The following IRAG1 variants were observed in gnomAD, a reference collection of about 807,000 sequenced individuals.
IRAG1 encodes inositol 1,4,5-triphosphate receptor associated 1.
A neutral mutation model predicts 106.2 loss-of-function variants in IRAG1; 62 were observed. The observed-to-expected ratio is 0.58, with a 90% CI of 0.48 to 0.72. The LOEUF (loss-of-function observed/expected upper bound fraction) is 0.72, where lower values mean the gene tolerates loss of function less well. Ranked by LOEUF, IRAG1 falls within the 30% of genes least tolerant of loss-of-function variation. IRAG1 has a pLI of 0.00. For synonymous variants in IRAG1, 462 were observed against 443.9 expected (o/e 1.04, Z -0.51); for missense variants, 1,064 against 1,140.7 (o/e 0.93, Z 0.97).
chr11:10,604,654 G>T, intron 12 of IRAG1, 109 bp from the exon 13 acceptor site: 1 of 1,314,556 alleles, frequency 7.6e-7, no homozygotes, highest in Non-Finnish European at 1.1e-6. Flanking sequence ...TGGAACAGCC[G>T]CCAAAGCACC....
At chr11:10,577,103 C>T (rs1424270073) in intron 20 of IRAG1, among the ~76,000 whole-genome samples, 1 of 152,160 alleles carries the variant, frequency 6.6e-6, no homozygotes, top group East Asian at 1.9e-4. Context: ...AAACTCTAAG[C>T]AGCTTGATAT....
chr11:10,599,375 T>A (rs1853701947), intron 15 of IRAG1, among the ~76,000 whole-genome samples: 1 of 152,180 alleles, frequency 6.6e-6, no homozygotes, highest in Non-Finnish European at 1.5e-5. Flanking sequence ...GGTAAGGTGG[T>A]TTGCAGGAGG....
intron 2 of IRAG1, among the ~76,000 whole-genome samples, chr11:10,643,618 C>A (rs1857712243): frequency 1.3e-5 from 2 of 152,192 alleles, no homozygotes; most frequent in Admixed American, 6.5e-5. Flanking sequence ...CCCTTCCTAA[C>A]ACTACTCCAC....
chr11:10,594,063 C>T (rs1852984926), intron 16 of IRAG1, 83 bp downstream of exon 16: 1 of 1,315,804 alleles, frequency 7.6e-7, no homozygotes, highest in South Asian at 1.3e-5. Flanking sequence ...CCATGGATCC[C>T]AGAATGAATG....
chr11:10,652,218 C>T (rs1179095315), intron 1 of IRAG1, 36 bp from the exon 2 acceptor site: 1 of 1,608,960 alleles, frequency 6.2e-7, no homozygotes, highest in East Asian at 2.2e-5. Flanking sequence ...CAAATCCATT[C>T]CCATCCCTGT....
chr11:10,584,107 C>G lies in IRAG1; in HGVS notation c.2241-2121G>C, dbSNP rs1219297561. On this transcript the variant is annotated intron_variant, in intron 18 of 20. Coordinates refer to ENST00000423302, the MANE Select transcript of IRAG1 (RefSeq NM_130385.4). ...ATGCTTTCCCTAGAAATCCTGCAGC[C>G]CACCTTCATGTCCTGATTCCCAATG... is the stretch of plus-strand genomic sequence containing the variant. Among the ~76,000 whole-genome samples, 3 of 152,062 alleles carry G rather than the reference C, an allele frequency of 2.0e-5. No individual in the cohort carries two copies. The East Asian group carries it at 5.8e-4, about 29-fold the overall frequency.
Position 10,573,708 on chromosome 11 carries a change from C to T in IRAG1, c.*2624G>A, listed in dbSNP as rs1850693820. The T allele has an allele frequency of 6.6e-6, 1 of 152,220 alleles. No individual in the cohort carries two copies. 9.4% of individuals were successfully genotyped at this position (152,220 alleles called of 1,614,324 possible). ...TGCAGGAGCTCTCCATAACTGCCTTCCTGGCCTTTGACTCATCCAGAAACA... is the reference window on the plus strand; with the variant it reads ...TGCAGGAGCTCTCCATAACTGCCTTTCTGGCCTTTGACTCATCCAGAAACA... On this transcript the variant is annotated 3_prime_UTR_variant, in exon 21 of 21. Coordinates refer to ENST00000423302, the MANE Select transcript of IRAG1 (RefSeq NM_130385.4).
intron 18 of IRAG1, among the ~76,000 whole-genome samples, chr11:10,584,441 C>T (rs1851711940): frequency 6.6e-6 from 1 of 151,708 alleles, no homozygotes; most frequent in African/African-American, 2.4e-5. Context: ...CCACTCCCTT[C>T]CATGTGACCT....
At chr11:10,629,990 C>T in intron 4 of IRAG1, 1 of 389,080 alleles carries the variant, frequency 2.6e-6, no homozygotes, top group South Asian at 4.7e-5. Flanking sequence ...AAGGGAAGGC[C>T]ACCCAGGAGC....
At chr11:10,677,427 C>T (rs1564940733) in intron 1 of IRAG1, among the ~76,000 whole-genome samples, 2 of 152,014 alleles carry the variant, frequency 1.3e-5, no homozygotes, top group Non-Finnish European at 2.9e-5. Flanking sequence ...TTCAGGATCC[C>T]CTGGGATCCT....
At chr11:10,591,835 A>T (rs1852709935) in intron 17 of IRAG1, among the ~76,000 whole-genome samples, 2 of 151,632 alleles carry the variant, frequency 1.3e-5, no homozygotes, top group Admixed American at 1.3e-4. Context: ...CTTTTCCTTC[A>T]CCTCTGCTAA....
At chr11:10,680,638 G>A (rs1343264863) in intron 1 of IRAG1, among the ~76,000 whole-genome samples, 1 of 152,100 alleles carries the variant, frequency 6.6e-6, no homozygotes, top group Non-Finnish European at 1.5e-5. Flanking sequence ...AGAGAGGACA[G>A]TAATTATGTC....
intron 8 of IRAG1, among the ~76,000 whole-genome samples, chr11:10,627,191 C>G (rs1214737197): frequency 1.3e-5 from 2 of 152,126 alleles, no homozygotes; most frequent in Non-Finnish European, 2.9e-5. Flanking sequence ...GTGGCTGCCT[C>G]GTGTGTGCTG....
At chr11:10,594,017 G>A in intron 16 of IRAG1, 129 bp downstream of exon 16, 3 of 885,064 alleles carry the variant, frequency 3.4e-6, no homozygotes, top group Non-Finnish European at 5.2e-6. Flanking sequence ...AGTGTGGAAA[G>A]CCGAATAGAA....
At chr11:10,655,571 C>T (rs115631144) in intron 1 of IRAG1, among the ~76,000 whole-genome samples, 64 of 152,248 alleles carry the variant, frequency 4.2e-4, no homozygotes, top group African/African-American at 1.5e-3. Context: ...TTCCTTGGAG[C>T]GTTCTCGTAA....
chr11:10,594,246 C>G, intron 15 of IRAG1, 51 bp from the exon 16 acceptor site: 1 of 1,545,240 alleles, frequency 6.5e-7, no homozygotes, highest in Non-Finnish European at 8.8e-7. Context: ...TCAGGCTAGG[C>G]ACCAGCAGGA....
chr11:10,611,799 AG>A (rs1247565642), intron 10 of IRAG1: 1 of 152,192 alleles, frequency 6.6e-6, no homozygotes, highest in Non-Finnish European at 1.5e-5. Context: ...CAGAATAGAG[AG>A]GGAAAGGGAT....
At position 10,657,569 on chromosome 11, in the gene IRAG1, C is replaced by G. The variant is rs374018270; in HGVS notation, c.68-5387G>C. 1.3e-5 allele frequency among the ~76,000 whole-genome samples: 2 copies of G among 152,334 alleles called. No individual in the cohort carries two copies. Among genetic ancestry groups the G allele is most frequent in the East Asian group, 1.9e-4 (1 of 5,182 alleles). On this transcript the variant is annotated intron_variant, in intron 1 of 20. Coordinates refer to ENST00000423302, the MANE Select transcript of IRAG1 (RefSeq NM_130385.4). The surrounding 1 kb of genome is among the most constrained non-coding windows in gnomAD (Gnocchi z 4.1). ...CCCTTTCGGGAAACCATGGGTTAAC[C>G]TAGCCTCCACTGACCTTTCTGGAGT...
intron 10 of IRAG1, among the ~76,000 whole-genome samples, chr11:10,616,787 C>G (rs1855468098): frequency 6.6e-6 from 1 of 152,042 alleles, no homozygotes; most frequent in Non-Finnish European, 1.5e-5. Flanking sequence ...TTAGTGTAAG[C>G]TATTTTTACT....
Sources: allele counts gnomAD v4.1 joint callset (sites outside exome capture counted in the v4.1 genomes callset), GRCh38; gene constraint gnomAD v4.1.1; non-coding constraint Gnocchi (gnomAD v3.1); transcripts MANE v1.5; gene names NCBI Gene and HGNC (gene_info 2026-07-23, HGNC 2026-07-21).